DSCAM: variants seen among roughly 807,000 people sequenced by gnomAD.
The protein encoded by DSCAM is DS cell adhesion molecule.
Under a neutral mutation model 217.7 loss-of-function variants are expected in DSCAM, and 47 were observed. The observed-to-expected ratio is 0.22, with a 90% confidence interval of 0.17 to 0.28. The LOEUF is 0.28. Ranked by LOEUF, DSCAM falls within the 10% of genes least tolerant of loss-of-function variation. DSCAM has a pLI of 1.00. For missense variants in DSCAM, 2,080 were observed against 2,618.3 expected, an observed-to-expected ratio of 0.79 and a Z score of 4.49; for synonymous variants, 1,056 against 1,015.3, an observed-to-expected ratio of 1.04 and a Z score of -0.76.
At chr21:40,306,491 T>G (rs1330067824) in intron 9 of DSCAM, among the ~76,000 whole-genome samples, 2 of 145,952 alleles carry the variant, frequency 1.4e-5, no homozygotes, top group African/African-American at 5.2e-5. Flanking sequence ...TGAATAGGAG[T>G]GGTGAGAGAG....
intron 3 of DSCAM, among the ~76,000 whole-genome samples, chr21:40,587,198 C>G (rs1229369720): frequency 1.3e-5 from 2 of 152,116 alleles, no homozygotes; most frequent in Non-Finnish European, 1.5e-5. Context: ...AGACTTTTAA[C>G]TGAAAATTAC....
At chr21:40,249,050 G>C (rs1167528436) in intron 11 of DSCAM, among the ~76,000 whole-genome samples, 2 of 152,138 alleles carry the variant, frequency 1.3e-5, no homozygotes, top group East Asian at 3.9e-4. Context: ...CTCCCACTGG[G>C]TCCCTCCCAC....
intron 3 of DSCAM, among the ~76,000 whole-genome samples, chr21:40,375,940 G>A (rs1336535187): frequency 1.3e-5 from 2 of 152,148 alleles, no homozygotes; most frequent in African/African-American, 4.8e-5. Flanking sequence ...CATATTTTAA[G>A]ATTGTGATGA....
Position 40,042,409 on chromosome 21 carries a change from C to G in DSCAM, c.5648G>C (p.Arg1883Thr). 1 of 1,614,206 alleles carries G rather than the reference C, an allele frequency of 6.2e-7. No individual in the cohort carries two copies. Among genetic ancestry groups the G allele is most frequent in the Non-Finnish European group, 8.5e-7 (1 of 1,180,034 alleles). ...ASPPKPQDGG[R>T]VMNMAVPKAH... ...CTTTGGAACTGCCATATTCATTACT[C>G]TTCCTCCATCCTGAGGTTTGGGGGG... The change falls in exon 32 of 33, where the codon AGA becomes ACA. Residue 1883 changes from arginine to threonine, a missense_variant. This residue lies in a region of DSCAM where 1,144 missense variants were observed against 1,421.1 expected (regional missense o/e 0.81). Transcript: ENST00000400454.
At chr21:40,189,280 G>T in intron 11 of DSCAM, 42 bp from the exon 12 acceptor site, 1 of 1,458,810 alleles carries the variant, frequency 6.9e-7, no homozygotes, top group Non-Finnish European at 9.1e-7. Flanking sequence ...GCAAAGCAGG[G>T]TTCTTGATTT....
intron 3 of DSCAM, 77 bp from the exon 4 acceptor site, chr21:40,369,322 G>GT (rs200153335): frequency 0.013 from 17,356 of 1,303,842 alleles, 1 homozygote; most frequent in South Asian, 0.019. Context: ...TCCTTAAACA[G>GT]TTTTTTTTTT....
intron 3 of DSCAM, among the ~76,000 whole-genome samples, chr21:40,540,015 G>C (rs1333233573): frequency 6.6e-6 from 1 of 152,078 alleles, no homozygotes; most frequent in Admixed American, 6.6e-5. Context: ...GCCTTTAGCA[G>C]TTTGTTTCTA....
chr21:40,572,085 GGTGT>G (rs10553285), intron 3 of DSCAM, among the ~76,000 whole-genome samples: 62,041 of 148,434 alleles, frequency 0.42, 13,948 homozygotes, highest in South Asian at 0.54. Context: ...TGTGTGTGTG[GGTGT>G]GTGTGTGTGT....
At chr21:40,455,981 T>A (rs946622527) in intron 3 of DSCAM, among the ~76,000 whole-genome samples, 11 of 152,088 alleles carry the variant, frequency 7.2e-5, no homozygotes, top group Non-Finnish European at 1.2e-4. Context: ...TTAATATACC[T>A]AATGCTAAAT....
chr21:40,158,140 A>G (rs1180154983), intron 16 of DSCAM, among the ~76,000 whole-genome samples: 1 of 152,182 alleles, frequency 6.6e-6, no homozygotes, highest in African/African-American at 2.4e-5. Context: ...ATCACAGCAC[A>G]TTAGGAGGCC....
In DSCAM at chr21:40,442,576, G is replaced by C. The variant is rs190681365; in HGVS notation, c.509-73331C>G. 3.1e-4 allele frequency among the ~76,000 whole-genome samples: 43 copies of C among 140,672 alleles called. No homozygotes were observed. In the East Asian group the frequency reaches 7.7e-3, roughly 25 times the overall value. 92.3% of individuals were successfully genotyped at this position (140,672 alleles called of 152,430 possible). A position where few individuals can be genotyped will look rare whatever the true frequency, so the allele number is the denominator to read the frequency against. On this transcript the variant is annotated intron_variant, in intron 3 of 32. Transcript: ENST00000400454. ...GCTCTGTCACCCAGGCCGGAGTGCA[G>C]TGGCACGATCTCGGCTCACTGCAAC...
chr21:40,554,202 T>A (rs1038644325), intron 3 of DSCAM, among the ~76,000 whole-genome samples: 2 of 151,974 alleles, frequency 1.3e-5, no homozygotes, highest in Non-Finnish European at 2.9e-5. Context: ...GTTAGTTTTT[T>A]TTTTTTTTTT....
In DSCAM at chr21:40,225,354, T is replaced by C. The variant is rs187214215; in HGVS notation, c.2357-36116A>G. 4.3e-4 allele frequency among the ~76,000 whole-genome samples: 66 copies of C among 152,272 alleles called. No individual in the cohort carries two copies. The Middle Eastern group carries it at 0.031, about 71-fold the overall frequency. ...TGACATCTGCCTTGTGTTTAGAAGC[T>C]CATTGCCATCCCAGCCTCTTCCCCC... On this transcript the variant is annotated intron_variant, in intron 11 of 32. Coordinates refer to ENST00000400454, the MANE Select transcript of DSCAM (RefSeq NM_001389.5).
intron 27 of DSCAM, among the ~76,000 whole-genome samples, chr21:40,068,477 G>C (rs928000665): frequency 2.6e-5 from 4 of 152,078 alleles, no homozygotes; most frequent in African/African-American, 9.7e-5. Context: ...TTAGGGGAAG[G>C]CTGAAGGGTA....
chr21:40,353,131 G>C (rs2123647596), intron 5 of DSCAM, among the ~76,000 whole-genome samples: 1 of 152,282 alleles, frequency 6.6e-6, no homozygotes, highest in Non-Finnish European at 1.5e-5. Context: ...CATTTTTAGA[G>C]AGACTGGTTG....
intron 32 of DSCAM, among the ~76,000 whole-genome samples, chr21:40,025,882 T>A (rs1040258773): frequency 2.0e-5 from 3 of 150,602 alleles, no homozygotes; most frequent in African/African-American, 7.4e-5. Flanking sequence ...TCGGTTCTAC[T>A]CTGATTTTAG....
intron 1 of DSCAM, among the ~76,000 whole-genome samples, chr21:40,710,111 G>A (rs577682011): frequency 3.3e-5 from 5 of 152,010 alleles, no homozygotes; most frequent in South Asian, 2.1e-4. Context: ...TTTTTTTCAC[G>A]TTTGTTGGCT....
At chr21:40,225,898 A>G (rs2091328685) in intron 11 of DSCAM, among the ~76,000 whole-genome samples, 1 of 152,180 alleles carries the variant, frequency 6.6e-6, no homozygotes, top group Non-Finnish European at 1.5e-5. Context: ...ACCATTGACC[A>G]AGATCCCAGA....
intron 29 of DSCAM, among the ~76,000 whole-genome samples, chr21:40,053,765 T>C (rs2088970427): frequency 6.6e-6 from 1 of 152,164 alleles, no homozygotes; most frequent in African/African-American, 2.4e-5. Flanking sequence ...AACGGTCATA[T>C]TTACAAATGG....
Sources: allele counts gnomAD v4.1 joint callset (sites outside exome capture counted in the v4.1 genomes callset), GRCh38; gene constraint gnomAD v4.1.1; regional missense constraint gnomAD v4.1.1; transcripts MANE v1.5; gene names NCBI Gene and HGNC (gene_info 2026-07-23, HGNC 2026-07-21).